Variants in AFAP1 observed in about 807,000 individuals in gnomAD.
AFAP1 encodes actin filament associated protein 1.
AFAP1 carries 75 observed loss-of-function variants against 93.9 expected under a neutral mutation model. The observed-to-expected ratio is 0.80, with a 90% CI of 0.66 to 0.97. AFAP1 has a LOEUF of 0.97. Ranked by LOEUF, AFAP1 falls within the 50% of genes least tolerant of loss-of-function variation. The probability of loss-of-function intolerance (pLI) is 0.00; values close to 1 mark genes in which losing one functional copy is unlikely to be tolerated. For missense variants in AFAP1, 1,201 were observed against 1,050.8 expected (o/e 1.14, Z -1.98); for synonymous variants, 517 against 430.7 (o/e 1.20, Z -2.48).
intron 1 of AFAP1, among the ~76,000 whole-genome samples, chr4:7,937,728 C>A (rs1721473857): frequency 6.6e-6 from 1 of 152,180 alleles, no homozygotes; most frequent in South Asian, 2.1e-4. Context: ...CTCAAATGAT[C>A]CGCCTGCCTC....
intron 1 of AFAP1, among the ~76,000 whole-genome samples, chr4:7,911,387 G>T (rs1439820573): frequency 6.6e-5 from 10 of 152,216 alleles, no homozygotes; most frequent in Admixed American, 6.5e-4. Context: ...CGCCCATGTT[G>T]CAGGCATGTA....
At chr4:7,928,406 G>C (rs1720886404) in intron 1 of AFAP1, among the ~76,000 whole-genome samples, 1 of 151,558 alleles carries the variant, frequency 6.6e-6, no homozygotes, top group Non-Finnish European at 1.5e-5. Flanking sequence ...GGTTTTTTTT[G>C]AGACAGTCTC....
intron 16 of AFAP1, among the ~76,000 whole-genome samples, chr4:7,771,294 G>GTATC (rs1560146441): frequency 6.6e-6 from 1 of 151,940 alleles, no homozygotes; most frequent in African/African-American, 2.4e-5. Flanking sequence ...TGAGGTGGGA[G>GTATC]GATCACCTGA....
intron 1 of AFAP1, among the ~76,000 whole-genome samples, chr4:7,927,733 G>T (rs1720845962): frequency 6.6e-6 from 1 of 152,102 alleles, no homozygotes; most frequent in Non-Finnish European, 1.5e-5. Flanking sequence ...ATACAAAATA[G>T]CTGGAATACA....
intron 4 of AFAP1, among the ~76,000 whole-genome samples, chr4:7,853,954 A>T (rs529145886): frequency 6.6e-6 from 1 of 152,272 alleles, no homozygotes; most frequent in East Asian, 1.9e-4. Flanking sequence ...GCCCCACTGA[A>T]GGGGCCGTGA....
chr4:7,815,094 G>A (rs938612809), intron 8 of AFAP1, among the ~76,000 whole-genome samples: 1 of 152,348 alleles, frequency 6.6e-6, no homozygotes, highest in African/African-American at 2.4e-5. Context: ...AAGAAATTCT[G>A]ACACAGGCCA....
rs1233453979 is a variant in AFAP1, at chr4:7,874,356, C to CCT, written c.-2-2277_-2-2276insAG. 1.3e-4 allele frequency among the ~76,000 whole-genome samples: 12 copies of CCT among 92,422 alleles called. No homozygotes were observed. The East Asian group carries it at 3.5e-3, about 27-fold the overall frequency. The allele number at this position is 92,422 out of a possible 152,430, so 60.6% of individuals were successfully genotyped here. ...CTGTGGGAGGTCAGATTGCCTTTTT[C>CCT]TTTTTTTTTTTTTTTTTTTTTTTTT... is the stretch of plus-strand genomic sequence containing the variant. On this transcript the variant is annotated intron_variant, in intron 1 of 17. Coordinates refer to ENST00000420658, the MANE Select transcript of AFAP1 (RefSeq NM_001134647.2).
intron 3 of AFAP1, among the ~76,000 whole-genome samples, chr4:7,858,720 T>C (rs983777140): frequency 6.6e-6 from 1 of 152,124 alleles, no homozygotes; most frequent in African/African-American, 2.4e-5. Flanking sequence ...GGCTGGCTTG[T>C]TCCTGCACCT....
At chr4:7,772,488 C>T (rs1715572974) in intron 16 of AFAP1, 2 of 230,402 alleles carry the variant, frequency 8.7e-6, no homozygotes, top group Admixed American at 5.4e-5. Flanking sequence ...TTGTAAGCAC[C>T]GGCTCTACTG....
chr4:7,869,190 GAGGA>G (rs771823345), intron 2 of AFAP1, among the ~76,000 whole-genome samples: 10 of 151,976 alleles, frequency 6.6e-5, no homozygotes, highest in East Asian at 1.9e-4. Flanking sequence ...GAAAAGAAAA[GAGGA>G]AGGAAGGAAG....
Position 7,786,430 on chromosome 4 carries a change from G to A in AFAP1, c.1413-119C>T, listed in dbSNP as rs186091096. 2.1e-4 allele frequency: 164 copies of A among 791,286 alleles called. No homozygotes were observed. In the African/African-American group the frequency reaches 2.3e-3, roughly 11 times the overall value. The allele number at this position is 791,286 out of a possible 1,614,324, so 49.0% of individuals were successfully genotyped here. On this transcript the variant is annotated intron_variant, in intron 11 of 17. Coordinates refer to ENST00000420658, the MANE Select transcript of AFAP1 (RefSeq NM_001134647.2). ...CTATGTCAGAGGTCACAGGGGCAGAGAAGAAATACTAGACAGAATCTCGGC... is the reference window on the plus strand; with the variant it reads ...CTATGTCAGAGGTCACAGGGGCAGAAAAGAAATACTAGACAGAATCTCGGC...
intron 1 of AFAP1, among the ~76,000 whole-genome samples, chr4:7,898,808 A>AGTGTGTGTGTGTGTGTGTGTGT (rs56404898): frequency 1.5e-4 from 20 of 137,024 alleles, no homozygotes; most frequent in Non-Finnish European, 2.7e-4. Flanking sequence ...GGGCAGTAGA[A>AGTGTGTGTGTGTGTGTGTGTGT]GTGTGTGTGT....
intron 17 of AFAP1, among the ~76,000 whole-genome samples, chr4:7,767,163 A>C (rs1714718128): frequency 6.6e-6 from 1 of 152,252 alleles, no homozygotes; most frequent in East Asian, 1.9e-4. Flanking sequence ...TCTCAGCTGG[A>C]GGGACGAGAG....
rs1553845889 is a variant in AFAP1 at position 7,847,793 on chromosome 4, C to CGGCGG, written c.335-4444_335-4443insCCGCC. Reference sequence around the variant, plus strand: ...AGGAAGGTTCTATTTCAGGGGTACTCGGGGTGGGGCATTGATTAGATACCA... The same window carrying CGGCGG: ...AGGAAGGTTCTATTTCAGGGGTACTCGGCGGGGGGTGGGGCATTGATTAGATACCA... On this transcript the variant is annotated intron_variant, in intron 4 of 17. Coordinates refer to ENST00000420658, the MANE Select transcript of AFAP1 (RefSeq NM_001134647.2). 1.4e-3 allele frequency among the ~76,000 whole-genome samples: 145 copies of CGGCGG among 102,074 alleles called. 6 individuals carry two copies. The highest frequency in any genetic ancestry group is 4.6e-3 in the African/African-American group (133 of 28,678). The allele number at this position is 102,074 out of a possible 152,430, so 67.0% of individuals were successfully genotyped here. A position where few individuals can be genotyped will look rare whatever the true frequency, so the allele number is the denominator to read the frequency against.
intron 4 of AFAP1, among the ~76,000 whole-genome samples, chr4:7,853,000 C>T (rs575688952): frequency 3.3e-5 from 5 of 152,250 alleles, no homozygotes; most frequent in East Asian, 1.9e-4. Flanking sequence ...TGGTGAATCA[C>T]GTTAGGCTCA....
At chr4:7,869,059 A>C (rs185535807) in intron 2 of AFAP1, among the ~76,000 whole-genome samples, 1 of 151,826 alleles carries the variant, frequency 6.6e-6, no homozygotes, top group East Asian at 1.9e-4. Flanking sequence ...AGAAAGAGAA[A>C]GGGAAAGAGA....
At chr4:7,870,843 C>G (rs576505936) in intron 2 of AFAP1, among the ~76,000 whole-genome samples, 1 of 152,054 alleles carries the variant, frequency 6.6e-6, no homozygotes, top group Non-Finnish European at 1.5e-5. Flanking sequence ...CAAATCTAAT[C>G]GTGTCATACA....
intron 1 of AFAP1, among the ~76,000 whole-genome samples, chr4:7,890,248 T>C (rs1285614925): frequency 6.6e-6 from 1 of 152,180 alleles, no homozygotes; most frequent in Non-Finnish European, 1.5e-5. Context: ...AACTGACTTT[T>C]GACAAAGATG....
chr4:7,775,926 T>C (rs747583515), intron 14 of AFAP1: 7 of 152,174 alleles, frequency 4.6e-5, no homozygotes, highest in Non-Finnish European at 8.8e-5. Flanking sequence ...ATTTACAGAC[T>C]TGGCAACTTC....
Sources: gnomAD v4.1 joint callset for allele counts (sites outside exome capture counted in the v4.1 genomes callset) on GRCh38, gnomAD v4.1.1 for gene constraint, MANE v1.5 for transcripts, NCBI Gene and HGNC (gene_info 2026-07-23, HGNC 2026-07-21) for gene names.